The following MAMDC4 variants were observed in gnomAD, a reference collection of about 807,000 sequenced individuals.
MAMDC4 encodes apical endosomal glycoprotein.
In MAMDC4, 168 loss-of-function variants were observed where a neutral mutation model predicts 153.3. That is an observed-to-expected ratio of 1.10 (90% CI 0.97 to 1.25). The LOEUF (loss-of-function observed/expected upper bound fraction) is 1.25, where lower values mean the gene tolerates loss of function less well. Ranked by LOEUF, MAMDC4 falls within the 50% of genes most tolerant of loss-of-function variation. MAMDC4 has a pLI of 0.00. For missense variants in MAMDC4, 1,701 were observed against 1,542.8 expected, an observed-to-expected ratio of 1.10 and a Z score of -1.72; for synonymous variants, 744 against 651.5, an observed-to-expected ratio of 1.14 and a Z score of -2.16.
Position 136,854,674 on chromosome 9 carries a change from A to G in MAMDC4, c.932A>G (p.Gln311Arg). ...CGTGACCACAGCCGGAACAGTGCAC[A>G]GGGTGAGGCCCACAGAGGACCCGGC... ...PRRDHSRNSA[Q>R]GSFLVSVAEP... The change falls in exon 8 of 27, where the codon CAG (glutamine) becomes CGG (arginine). Residue 311 changes from glutamine (Q) to arginine (R), a missense_variant and splice_region_variant. Gln to Arg is a conservative substitution (Grantham distance 43). Coordinates refer to ENST00000317446, the MANE Select transcript of MAMDC4 (RefSeq NM_206920.3). The G allele has an allele frequency of 6.2e-7, 1 of 1,611,014 alleles. No individual in the cohort carries two copies. Among genetic ancestry groups the G allele is most frequent in the Non-Finnish European group, 8.5e-7 (1 of 1,179,254 alleles).
Position 136,856,038 on chromosome 9 carries a change from C to T in MAMDC4, c.1609C>T (p.Arg537Trp), listed in dbSNP as rs1429716154. The change falls in exon 14 of 27, where the codon CGG becomes TGG. Residue 537 changes from arginine (R) to tryptophan (W), a missense_variant. Arg to Trp is a moderately radical substitution (Grantham distance 101). Coordinates refer to ENST00000317446, the MANE Select transcript of MAMDC4 (RefSeq NM_206920.3). The stretch of plus-strand genomic sequence containing the variant: ...CCTAGGGCACTTCCTGTCTCTGCAG[C>T]GGGCCTGGGGGCAGCTAGGCGCTGA... ...AAAGHFLSLQRAWGQLGAEAR... is the reference protein window; with the variant it reads ...AAAGHFLSLQWAWGQLGAEAR... 21 of 1,611,386 alleles carry T rather than the reference C, an allele frequency of 1.3e-5. No individual in the cohort carries two copies. The highest frequency in any genetic ancestry group is 9.9e-5 in the South Asian group (9 of 90,946).
In MAMDC4 at chr9:136,858,189, G is replaced by A; in HGVS notation, c.2587G>A (p.Val863Met). The A allele has an allele frequency of 6.3e-7, 1 of 1,589,194 alleles. No homozygotes were observed. ...TGCCCTGCCCTGCACCCGCCAGGTG[G>A]TGTTTGAGGCAGTGGCCGCAGGCGT... is the stretch of plus-strand genomic sequence containing the variant. ...DVQAERAWRVVFEAVAAGVAH... is the reference protein window; with the variant it reads ...DVQAERAWRVMFEAVAAGVAH... Residue 863 changes from valine (V) to methionine (M), a missense_variant, in exon 21 of 27, where the codon GTG becomes ATG. Val to Met is a conservative substitution (Grantham distance 21). Transcript: ENST00000317446.
intron 25 of MAMDC4, 156 bp from the exon 26 acceptor site, chr9:136,859,730 A>G (rs1849058682): frequency 2.7e-6 from 2 of 731,132 alleles, no homozygotes; most frequent in Non-Finnish European, 4.4e-6. Context: ...GCCAGGCCCC[A>G]TCCTTGTGGT....
At position 136,857,260 on chromosome 9, in the gene MAMDC4, AC is replaced by A. The variant is rs1849019242; in HGVS notation, c.2071del (p.Leu691PhefsTer106). 6.2e-7 allele frequency: 1 copy of A among 1,602,006 alleles called. No individual in the cohort carries two copies. The highest frequency in any genetic ancestry group is 1.3e-5 in the African/African-American group (1 of 74,648). On this transcript the variant is annotated frameshift_variant, in exon 17 of 27. Transcript: ENST00000317446. LOFTEE classifies it high-confidence loss of function. ...QGNRWHEAWA[T>X]LSHQPGSHAQ... ...CAACCGCTGGCACGAGGCCTGGGCC[AC>A]CCTTTCCCACCAGCCTGGCTCCCAT... is the stretch of plus-strand genomic sequence containing the variant.
intron 19 of MAMDC4, 27 bp from the exon 20 acceptor site, chr9:136,857,952 G>C (rs1849030881): frequency 3.4e-6 from 5 of 1,487,260 alleles, no homozygotes; most frequent in Non-Finnish European, 4.5e-6. Context: ...TCCCCACACT[G>C]CTGACCTGGG....
chr9:136,852,664 G>A (rs1353229746), intron 1 of MAMDC4, among the ~76,000 whole-genome samples: 1 of 152,228 alleles, frequency 6.6e-6, no homozygotes, highest in Non-Finnish European at 1.5e-5. Flanking sequence ...AGCAAAGGAA[G>A]AGGCACGACT....
rs1848958281 is a variant in MAMDC4, at chr9:136,853,544, G to A, written c.329-1G>A. 5.0e-6 allele frequency: 8 copies of A among 1,612,666 alleles called. No individual in the cohort carries two copies. The highest frequency in any genetic ancestry group is 1.1e-5 in the South Asian group (1 of 91,086). Reference sequence around the variant, plus strand: ...GTCTCCTGACCTCTCACCTGCGCCAGGCTGGTACATGGCCGTTGGAACCCA... The same window carrying A: ...GTCTCCTGACCTCTCACCTGCGCCAAGCTGGTACATGGCCGTTGGAACCCA... On this transcript the variant is annotated splice_acceptor_variant, in intron 3 of 26. Transcript: ENST00000317446. LOFTEE classifies it high-confidence loss of function.
In MAMDC4 at chr9:136,857,359, AC is replaced by A; in HGVS notation, c.2107-3del. ...GGCCCCTGGCCAGCTGACACCCTCC[AC>A]CCCCAGCTGCTGTTCGAGGGCCTCC... On this transcript the variant is annotated splice_polypyrimidine_tract_variant and splice_region_variant and intron_variant, in intron 17 of 26. Coordinates refer to ENST00000317446, the MANE Select transcript of MAMDC4 (RefSeq NM_206920.3). 2 of 1,607,556 alleles carry A rather than the reference AC, an allele frequency of 1.2e-6. No individual in the cohort carries two copies.
Position 136,855,501 on chromosome 9 carries a change from G to A in MAMDC4, c.1353G>A (p.Ser451=), listed in dbSNP as rs780222733. 41 of 1,595,830 alleles carry A rather than the reference G, an allele frequency of 2.6e-5. No individual in the cohort carries two copies. The highest frequency in any genetic ancestry group is 4.0e-5 in the African/African-American group (3 of 74,716). Residue 451 remains serine, a synonymous_variant, in exon 12 of 27, where the codon TCG becomes TCA. Coordinates refer to ENST00000317446, the MANE Select transcript of MAMDC4 (RefSeq NM_206920.3). ...APAPQPLPPS[S]RLQDSCKQGH... ...CCCCCCAGCCCCTGCCGCCCAGCTC[G>A]CGGCTCCAGGATTCCTGCAAGCAGG... is the stretch of plus-strand genomic sequence containing the variant.
In MAMDC4 at chr9:136,857,770, G is replaced by C; in HGVS notation, c.2438G>C (p.Trp813Ser). The C allele has an allele frequency of 6.2e-7, 1 of 1,612,556 alleles. No homozygotes were observed. Among genetic ancestry groups the C allele is most frequent in the Non-Finnish European group, 8.5e-7 (1 of 1,179,824 alleles). Residue 813 changes from tryptophan (W) to serine (S), a missense_variant, in exon 19 of 27, where the codon TGG (tryptophan) becomes TCG (serine). Transcript: ENST00000317446. ...PLAQPACLTF[W>S]YHGSLRSPGT... ...GCCCAGCCTGCTTGTCTGACCTTCT[G>C]GTACCACGGGAGCCTCCGCAGCCCA...
In MAMDC4 at chr9:136,856,840, T is replaced by C. The variant is rs777815961; in HGVS notation, c.1837+14T>C. 1 of 1,612,364 alleles carries C rather than the reference T, an allele frequency of 6.2e-7. No individual in the cohort carries two copies. The highest frequency in any genetic ancestry group is 1.3e-5 in the African/African-American group (1 of 74,910). On this transcript the variant is annotated intron_variant, in intron 15 of 26. Transcript: ENST00000317446. ...CCACAGGCCAAGGTAGGATGGGCGC[T>C]CAGACCGGGGGTGGCTTTCAGACGA...
chr9:136,857,523 G>A lies in MAMDC4; in HGVS notation c.2263G>A (p.Ala755Thr). Reference protein sequence around the residue: ...PGGQGLWRRQANASGHAAWGP... With the variant: ...PGGQGLWRRQTNASGHAAWGP... ...AGGCCAAGGTCTCTGGAGGCGGCAG[G>A]CCAATGCCTCGGGCCATGCTGCCTG... Residue 755 changes from alanine to threonine, a missense_variant, in exon 18 of 27, where the codon GCC becomes ACC. Transcript: ENST00000317446. 1 of 1,610,958 alleles carries A rather than the reference G, an allele frequency of 6.2e-7. No homozygotes were observed. Among genetic ancestry groups the A allele is most frequent in the East Asian group, 2.2e-5 (1 of 44,876 alleles).
Position 136,853,808 on chromosome 9 carries a change from T to C in MAMDC4, c.486T>C (p.His162=). ...DVAELRVELT[H]GAETLTLWQS... ...CTGAACTGCGGGTGGAGCTGACCCA[T>C]GGCGCAGAGACCCTGACCCTGTGGC... Residue 162 remains histidine (H), a synonymous_variant, in exon 5 of 27, where the codon CAT becomes CAC. Coordinates refer to ENST00000317446, the MANE Select transcript of MAMDC4 (RefSeq NM_206920.3). 1.2e-6 allele frequency: 2 copies of C among 1,611,846 alleles called. No homozygotes were observed. The highest frequency in any genetic ancestry group is 1.7e-6 in the Non-Finnish European group (2 of 1,179,536).
chr9:136,854,569 G>A lies in MAMDC4; in HGVS notation c.827G>A (p.Gly276Asp), dbSNP rs1257338009. ...CACATAGCCACCGACTTTGAGACAG[G>A]CCTGGGCCCATGGAACCGCTCGGAA... The part of the protein sequence containing the change: ...GRHIATDFET[G>D]LGPWNRSEGW... Residue 276 changes from glycine (G) to aspartate (D), a missense_variant, in exon 8 of 27, where the codon GGC becomes GAC. Transcript: ENST00000317446. The A allele has an allele frequency of 1.2e-6, 2 of 1,607,234 alleles. No homozygotes were observed. The highest frequency in any genetic ancestry group is 1.1e-5 in the South Asian group (1 of 90,284).
intron 20 of MAMDC4, 41 bp downstream of exon 20, chr9:136,858,138 C>A: frequency 6.5e-7 from 1 of 1,538,270 alleles, no homozygotes; most frequent in South Asian, 1.2e-5. Context: ...CCCCCTCCCC[C>A]GAGGGCTGCC....
intron 15 of MAMDC4, 36 bp downstream of exon 15, chr9:136,856,862 A>C (rs1282564382): frequency 6.2e-7 from 1 of 1,612,284 alleles, no homozygotes; most frequent in Non-Finnish European, 8.5e-7. Flanking sequence ...TGGCTTTCAG[A>C]CGAGAGTGGG....
rs1849080053 is a variant in MAMDC4 at position 136,860,787 on chromosome 9, G to A, written c.*184G>A. ...TCTGTGAATAAACACCCTGGCCCAT[G>A]AGGGCAGCCCAAGCTCCCAGGGTGA... On this transcript the variant is annotated 3_prime_UTR_variant, in exon 27 of 27. Coordinates refer to ENST00000317446, the MANE Select transcript of MAMDC4 (RefSeq NM_206920.3). 5 of 618,972 alleles carry A rather than the reference G, an allele frequency of 8.1e-6. No individual in the cohort carries two copies. The South Asian group carries it at 1.0e-4, about 13-fold the overall frequency. 38.3% of individuals were successfully genotyped at this position (618,972 alleles called of 1,614,324 possible).
chr9:136,859,430 C>G (rs1234053089), intron 25 of MAMDC4, 113 bp downstream of exon 25: 1 of 960,008 alleles, frequency 1.0e-6, no homozygotes, highest in East Asian at 2.6e-5. Flanking sequence ...ATGCTGCACC[C>G]AGACAGGACA....
At position 136,853,094 on chromosome 9, in the gene MAMDC4, C is replaced by G. The variant is rs927002496; in HGVS notation, c.47-8C>G. ...CCCCAGGCCACCTGGCTGTCAACCTCCCAGCAGCAGGGTCCTCAGGCTGGG... is the reference window on the plus strand; with the variant it reads ...CCCCAGGCCACCTGGCTGTCAACCTGCCAGCAGCAGGGTCCTCAGGCTGGG... On this transcript the variant is annotated splice_polypyrimidine_tract_variant and splice_region_variant and intron_variant, in intron 1 of 26. Coordinates refer to ENST00000317446, the MANE Select transcript of MAMDC4 (RefSeq NM_206920.3). The G allele has an allele frequency of 1.9e-5, 30 of 1,611,486 alleles. No homozygotes were observed. The highest frequency in any genetic ancestry group is 2.5e-5 in the Non-Finnish European group (29 of 1,179,344).
Sources: allele counts gnomAD v4.1 joint callset (sites outside exome capture counted in the v4.1 genomes callset), GRCh38; gene constraint gnomAD v4.1.1; transcripts MANE v1.5; gene names NCBI Gene and HGNC (gene_info 2026-07-23, HGNC 2026-07-21).